SNX29: variants seen among roughly 807,000 people sequenced by gnomAD.
The protein encoded by SNX29 is sorting nexin 29, also known as sorting nexin-29.
A neutral mutation model predicts 102.1 loss-of-function variants in SNX29; 78 were observed. That is an observed-to-expected ratio of 0.76 (90% CI 0.64 to 0.92). SNX29 has a LOEUF of 0.92. Ranked by LOEUF, SNX29 falls within the 40% of genes least tolerant of loss-of-function variation. The pLI is 0.00. For synonymous variants in SNX29, 580 were observed against 414.5 expected, an observed-to-expected ratio of 1.40 and a Z score of -4.85; for missense variants, 1,280 against 1,061.7, an observed-to-expected ratio of 1.21 and a Z score of -2.86.
At chr16:12,470,143 T>TA (rs2087265275) in intron 18 of SNX29, among the ~76,000 whole-genome samples, 1 of 152,260 alleles carries the variant, frequency 6.6e-6, no homozygotes, top group African/African-American at 2.4e-5. Context: ...TTCCAGCTAA[T>TA]ACTAGTTTTC....
intron 9 of SNX29, among the ~76,000 whole-genome samples, chr16:12,062,588 G>A (rs1453730197): frequency 1.3e-5 from 2 of 151,396 alleles, no homozygotes; most frequent in Non-Finnish European, 3.0e-5. Flanking sequence ...CTGGCTCAGA[G>A]AAGTGCCCAG....
At chr16:12,545,638 C>G (rs991939477) in intron 20 of SNX29, 12 of 152,226 alleles carry the variant, frequency 7.9e-5, no homozygotes, top group African/African-American at 2.4e-4. Context: ...TTCTTCTGTT[C>G]TGAGTCTACA....
chr16:12,046,688 C>T (rs533279989), intron 6 of SNX29, among the ~76,000 whole-genome samples: 3 of 152,338 alleles, frequency 2.0e-5, no homozygotes, highest in South Asian at 2.1e-4. Context: ...GATGCAACCT[C>T]GGCTCACTGC....
At chr16:12,111,947 C>G (rs561909159) in intron 11 of SNX29, among the ~76,000 whole-genome samples, 160 of 152,276 alleles carry the variant, frequency 1.1e-3, no homozygotes, top group African/African-American at 3.5e-3. Context: ...GTGAAATGCA[C>G]AGTCTTCATT....
chr16:12,552,032 G>A (rs775892866), intron 20 of SNX29, among the ~76,000 whole-genome samples: 21 of 152,132 alleles, frequency 1.4e-4, no homozygotes, highest in African/African-American at 5.1e-4. Flanking sequence ...GGCAAGTCCA[G>A]GCTCAGATGG....
intron 18 of SNX29, among the ~76,000 whole-genome samples, chr16:12,462,601 C>G (rs1006086553): frequency 6.6e-6 from 1 of 151,780 alleles, no homozygotes; most frequent in Non-Finnish European, 1.5e-5. Context: ...TATACACACA[C>G]ACACACACAC....
intron 19 of SNX29, chr16:12,515,726 G>C (rs918316298): frequency 2.4e-6 from 1 of 423,698 alleles, no homozygotes; most frequent in South Asian, 1.8e-5. Flanking sequence ...AAGCTCCGGA[G>C]GGCAGGGGTC....
rs2141641040 is a variant in SNX29 at position 12,157,893 on chromosome 16, A to G, written c.1595+28135A>G. 2.0e-5 allele frequency among the ~76,000 whole-genome samples: 3 copies of G among 152,234 alleles called. No homozygotes were observed. The South Asian group carries it at 6.2e-4, about 32-fold the overall frequency. On this transcript the variant is annotated intron_variant, in intron 13 of 20. Transcript: ENST00000566228. Reference sequence around the variant, plus strand: ...GGCTGGCTTCTGTTCATGCATCAGGAGCCAGCTGCAGTGTCACCACCTCTG... The same window carrying G: ...GGCTGGCTTCTGTTCATGCATCAGGGGCCAGCTGCAGTGTCACCACCTCTG...
chr16:11,983,950 A>AT (rs1181315780), intron 1 of SNX29, among the ~76,000 whole-genome samples: 1 of 152,210 alleles, frequency 6.6e-6, no homozygotes, highest in African/African-American at 2.4e-5. Context: ...TAAAGCACAG[A>AT]TAGGCATATA....
chr16:12,150,342 A>C (rs1279839696), intron 13 of SNX29, among the ~76,000 whole-genome samples: 4 of 152,176 alleles, frequency 2.6e-5, no homozygotes, highest in African/African-American at 7.2e-5. Flanking sequence ...GTATGATTCC[A>C]GTTGTTTGGT....
intron 20 of SNX29, chr16:12,546,368 TCA>T (rs1311194259): frequency 6.6e-6 from 1 of 152,058 alleles, no homozygotes; most frequent in Non-Finnish European, 1.5e-5. Context: ...TGGGGAGGCC[TCA>T]CAATCACCGT....
At chr16:12,176,244 C>G (rs1359038725) in intron 13 of SNX29, among the ~76,000 whole-genome samples, 2 of 152,318 alleles carry the variant, frequency 1.3e-5, no homozygotes, top group East Asian at 1.9e-4. Context: ...TATGGCAGCC[C>G]TGGCAGACTG....
At chr16:12,107,542 C>G (rs1445641525) in intron 11 of SNX29, among the ~76,000 whole-genome samples, 1 of 152,038 alleles carries the variant, frequency 6.6e-6, no homozygotes, top group Admixed American at 6.6e-5. Context: ...GTGACTGAGG[C>G]AGGAGAATCT....
chr16:12,475,714 A>T (rs983869795), intron 18 of SNX29, among the ~76,000 whole-genome samples: 2 of 152,244 alleles, frequency 1.3e-5, no homozygotes, highest in Non-Finnish European at 2.9e-5. Context: ...ATCATACTGC[A>T]CATCACTAGC....
At chr16:12,151,616 C>T (rs903720832) in intron 13 of SNX29, among the ~76,000 whole-genome samples, 1 of 152,246 alleles carries the variant, frequency 6.6e-6, no homozygotes, top group African/African-American at 2.4e-5. Flanking sequence ...AGGACGGTTT[C>T]TTTTCAATTC....
intron 18 of SNX29, among the ~76,000 whole-genome samples, chr16:12,469,821 G>A (rs1202227512): frequency 2.6e-5 from 4 of 152,282 alleles, no homozygotes; most frequent in African/African-American, 9.6e-5. Context: ...GACCAGCCTG[G>A]CCAACATGGT....
chr16:12,460,117 G>T (rs936943895), intron 18 of SNX29, among the ~76,000 whole-genome samples: 5 of 152,182 alleles, frequency 3.3e-5, no homozygotes, highest in Admixed American at 6.5e-5. Context: ...TGACATGCTA[G>T]TGGCCGTCCT....
At chr16:12,115,835 C>G (rs190496621) in intron 11 of SNX29, among the ~76,000 whole-genome samples, 2 of 152,186 alleles carry the variant, frequency 1.3e-5, no homozygotes, top group Non-Finnish European at 2.9e-5. Context: ...TGCCCACTGA[C>G]GGAGAAGTGA....
chr16:12,363,986 A>C (rs1463441397), intron 16 of SNX29, among the ~76,000 whole-genome samples: 1 of 152,026 alleles, frequency 6.6e-6, no homozygotes, highest in African/African-American at 2.4e-5. Context: ...AACTTGTATC[A>C]CTATATATAC....
Sources: allele counts gnomAD v4.1 joint callset (sites outside exome capture counted in the v4.1 genomes callset), GRCh38; gene constraint gnomAD v4.1.1; transcripts MANE v1.5; gene names NCBI Gene and HGNC (gene_info 2026-07-23, HGNC 2026-07-21).